NLK: variants seen among roughly 807,000 people sequenced by gnomAD.
NLK encodes serine/threonine-protein kinase NLK.
A neutral mutation model predicts 59.0 loss-of-function variants in NLK; 11 were observed. That is an observed-to-expected ratio of 0.19 (90% CI 0.12 to 0.31). NLK has a LOEUF of 0.31. Ranked by LOEUF, NLK falls within the 10% of genes least tolerant of loss-of-function variation. NLK has a pLI of 1.00. For synonymous variants in NLK, 235 were observed against 235.9 expected (o/e 1.00, Z 0.03); for missense variants, 410 against 661.1 (o/e 0.62, Z 4.16).
chr17:28,144,405 A>G (rs1442734200), intron 3 of NLK, among the ~76,000 whole-genome samples: 3 of 152,014 alleles, frequency 2.0e-5, no homozygotes, highest in African/African-American at 7.3e-5. Context: ...CCAAAAAAAA[A>G]AAAAAAAAAA....
intron 3 of NLK, among the ~76,000 whole-genome samples, chr17:28,159,733 ATAAAG>A (rs1369669525): frequency 1.3e-5 from 2 of 152,224 alleles, no homozygotes; most frequent in Non-Finnish European, 2.9e-5. Context: ...TTTCTATATA[ATAAAG>A]TAAATGTCAG....
chr17:28,138,913 A>G (rs182542150), intron 3 of NLK, among the ~76,000 whole-genome samples: 49 of 152,268 alleles, frequency 3.2e-4, no homozygotes, highest in Admixed American at 2.9e-3. Context: ...CTAGTAGAGG[A>G]TACAATCACA....
intron 3 of NLK, among the ~76,000 whole-genome samples, chr17:28,136,340 A>G (rs1227823101): frequency 1.3e-5 from 2 of 152,210 alleles, no homozygotes; most frequent in East Asian, 1.9e-4. Context: ...GTATGCATAG[A>G]AAAAAGGTAA....
chr17:28,149,600 A>G (rs150304122), intron 3 of NLK, among the ~76,000 whole-genome samples: 1,886 of 152,278 alleles, frequency 0.012, 18 homozygotes, highest in Middle Eastern at 0.041. Flanking sequence ...TTGTTGTGCA[A>G]CTTTGTTGCT....
intron 2 of NLK, among the ~76,000 whole-genome samples, chr17:28,124,190 T>C (rs565609976): frequency 6.6e-6 from 1 of 152,330 alleles, no homozygotes; most frequent in South Asian, 2.1e-4. Context: ...TTTTAGTCAA[T>C]TGGAACTGCC....
At chr17:28,128,932 T>C (rs1906401555) in intron 2 of NLK, among the ~76,000 whole-genome samples, 1 of 152,224 alleles carries the variant, frequency 6.6e-6, no homozygotes, top group Non-Finnish European at 1.5e-5. Context: ...AATAAGTACT[T>C]TGTGATATAG....
chr17:28,084,526 G>C (rs1198487443), intron 1 of NLK, among the ~76,000 whole-genome samples: 1 of 151,982 alleles, frequency 6.6e-6, no homozygotes, highest in Non-Finnish European at 1.5e-5. Flanking sequence ...TGCCTGGGCT[G>C]TGACTTGTCA....
At chr17:28,067,965 A>C (rs1348884184) in intron 1 of NLK, among the ~76,000 whole-genome samples, 1 of 151,642 alleles carries the variant, frequency 6.6e-6, no homozygotes, top group East Asian at 1.9e-4. Context: ...ACATGGTGAA[A>C]CCCCACCTCT....
intron 1 of NLK, among the ~76,000 whole-genome samples, chr17:28,044,796 T>C (rs779471766): frequency 3.9e-5 from 6 of 152,212 alleles, no homozygotes; most frequent in Non-Finnish European, 7.3e-5. Flanking sequence ...ATTTTGTCAT[T>C]GATTTACTAA....
At chr17:28,045,043 C>T (rs971500799) in intron 1 of NLK, among the ~76,000 whole-genome samples, 1 of 152,046 alleles carries the variant, frequency 6.6e-6, no homozygotes, top group Non-Finnish European at 1.5e-5. Context: ...AACTGGAGTG[C>T]TGAAACATCT....
intron 1 of NLK, among the ~76,000 whole-genome samples, chr17:28,103,334 A>T (rs1904966639): frequency 6.6e-6 from 1 of 152,162 alleles, no homozygotes; most frequent in South Asian, 2.1e-4. Flanking sequence ...ATCTTTTTGC[A>T]CTCAAACTTT....
chr17:28,205,188 C>A, the NLK span, among the ~76,000 whole-genome samples: 2 of 152,210 alleles, frequency 1.3e-5, no homozygotes, highest in Non-Finnish European at 2.9e-5. Context: ...CTAATGATGG[C>A]ACATTATGTG....
chr17:28,064,061 A>C (rs1272929814), intron 1 of NLK, among the ~76,000 whole-genome samples: 1 of 152,142 alleles, frequency 6.6e-6, no homozygotes, highest in African/African-American at 2.4e-5. Flanking sequence ...ATTTTTCAGG[A>C]ACATAGTAGG....
At chr17:28,188,529 A>C (rs1909200114) in intron 8 of NLK, among the ~76,000 whole-genome samples, 1 of 152,148 alleles carries the variant, frequency 6.6e-6, no homozygotes, top group Non-Finnish European at 1.5e-5. Context: ...CCAGGCTGGA[A>C]TGCAGTGGCA....
intron 1 of NLK, among the ~76,000 whole-genome samples, chr17:28,082,114 G>A (rs2142767217): frequency 6.6e-6 from 1 of 152,324 alleles, no homozygotes; most frequent in Middle Eastern, 3.4e-3. Flanking sequence ...TGCTGGCCAT[G>A]CTAGTCTCGA....
In NLK at chr17:28,120,235, GGTGTGTGTGTGTGTGTGT is replaced by G. The variant is rs10542547; in HGVS notation, c.459-2347_459-2330del. 1.9e-4 allele frequency among the ~76,000 whole-genome samples: 26 copies of G among 139,186 alleles called. No individual in the cohort carries two copies. The East Asian group carries it at 4.8e-3, about 26-fold the overall frequency. 91.3% of individuals were successfully genotyped at this position (139,186 alleles called of 152,430 possible). On this transcript the variant is annotated intron_variant, in intron 1 of 10. Coordinates refer to ENST00000407008, the MANE Select transcript of NLK (RefSeq NM_016231.5). ...AATCAGTATTGCAGATTTGGCTTGG[GGTGTGTGTGTGTGTGTGT>G]GTGTGTGTGTGTGTGTGTGTATGTG...
rs150221520 is a variant in NLK at position 28,051,250 on chromosome 17, A to G, written c.458+7919A>G. 7.6e-4 allele frequency among the ~76,000 whole-genome samples: 115 copies of G among 152,272 alleles called. No individual in the cohort carries two copies. The East Asian group carries it at 0.013, about 17-fold the overall frequency. On this transcript the variant is annotated intron_variant, in intron 1 of 10. Transcript: ENST00000407008. ...GTATTACTTTTTACAATTTTTTAAAATTATTAATACAATTCTTCCAAATCT... is the reference window on the plus strand; with the variant it reads ...GTATTACTTTTTACAATTTTTTAAAGTTATTAATACAATTCTTCCAAATCT...
At chr17:28,170,801 C>T (rs1441219319) in intron 6 of NLK, among the ~76,000 whole-genome samples, 1 of 152,126 alleles carries the variant, frequency 6.6e-6, no homozygotes, top group Non-Finnish European at 1.5e-5. Flanking sequence ...TGTGAAGCAA[C>T]TGGACTGGAG....
chr17:28,123,118 T>A (rs1383944985), intron 2 of NLK, among the ~76,000 whole-genome samples: 3 of 152,196 alleles, frequency 2.0e-5, no homozygotes. Flanking sequence ...AGCATTTTAT[T>A]TGAAGGTTTG....
Sources: allele counts gnomAD v4.1 joint callset (sites outside exome capture counted in the v4.1 genomes callset), GRCh38; gene constraint gnomAD v4.1.1; transcripts MANE v1.5; gene names NCBI Gene and HGNC (gene_info 2026-07-23, HGNC 2026-07-21).